ADAM12: variants seen among roughly 807,000 people sequenced by gnomAD.
ADAM12 encodes the protein ADAM metallopeptidase domain 12, also known as disintegrin and metalloproteinase domain-containing protein 12.
A neutral mutation model predicts 106.4 loss-of-function variants in ADAM12; 70 were observed. The observed-to-expected ratio is 0.66, with a 90% CI of 0.54 to 0.80. The LOEUF is 0.80. Ranked by LOEUF, ADAM12 falls within the 30% of genes least tolerant of loss-of-function variation. The pLI is 0.00. For missense variants in ADAM12, 1,010 were observed against 1,171.9 expected (o/e 0.86, Z 2.02); for synonymous variants, 420 against 433.5 (o/e 0.97, Z 0.39).
chr10:126,226,393 G>A (rs1958197180), intron 3 of ADAM12, among the ~76,000 whole-genome samples: 1 of 152,200 alleles, frequency 6.6e-6, no homozygotes, highest in African/African-American at 2.4e-5. Flanking sequence ...TCTGTGTGGA[G>A]GGGATGCGTG....
intron 10 of ADAM12, 31 bp downstream of exon 10, chr10:126,098,385 G>C (rs1955595686): frequency 6.3e-7 from 1 of 1,575,992 alleles, no homozygotes; most frequent in African/African-American, 1.3e-5. Context: ...TCATTATCAA[G>C]GGGAACCAGC....
At chr10:126,336,794 C>T (rs184525316) in intron 1 of ADAM12, among the ~76,000 whole-genome samples, 5 of 152,282 alleles carry the variant, frequency 3.3e-5, no homozygotes, top group Admixed American at 3.3e-4. Flanking sequence ...ATTGTAGCTA[C>T]CACGCTGGCA....
chr10:126,237,849 A>G (rs1958448642), intron 3 of ADAM12, among the ~76,000 whole-genome samples: 2 of 152,180 alleles, frequency 1.3e-5, no homozygotes, highest in Admixed American at 6.5e-5. Flanking sequence ...GGGTATAAAG[A>G]GCTTGGGACA....
chr10:126,112,939 T>G (rs1381901371), intron 6 of ADAM12, among the ~76,000 whole-genome samples: 5 of 151,728 alleles, frequency 3.3e-5, no homozygotes, highest in African/African-American at 9.7e-5. Flanking sequence ...ATTCGGGAAA[T>G]CCAGTGTCCT....
chr10:126,108,783 TTCAC>T, intron 7 of ADAM12, 119 bp from the exon 8 acceptor site: 2 of 866,162 alleles, frequency 2.3e-6, no homozygotes, highest in Non-Finnish European at 3.7e-6. Context: ...CCCTCCACAG[TTCAC>T]GGTAAAATGA....
intron 4 of ADAM12, among the ~76,000 whole-genome samples, chr10:126,142,841 G>A (rs1180472068): frequency 6.6e-6 from 1 of 152,148 alleles, no homozygotes; most frequent in Non-Finnish European, 1.5e-5. Flanking sequence ...GTGTATGGGT[G>A]TATGTGTGTC....
At chr10:126,089,570 A>T (rs1285735549) in intron 11 of ADAM12, among the ~76,000 whole-genome samples, 1 of 152,214 alleles carries the variant, frequency 6.6e-6, no homozygotes, top group Non-Finnish European at 1.5e-5. Context: ...ACCTTAAAAG[A>T]TAAATCAGAT....
At chr10:126,224,547 C>T (rs546237699) in intron 3 of ADAM12, among the ~76,000 whole-genome samples, 2 of 152,260 alleles carry the variant, frequency 1.3e-5, no homozygotes, top group Admixed American at 1.3e-4. Flanking sequence ...GGGGAGGGGC[C>T]TGGGGAGGTG....
At chr10:126,048,364 C>A (rs780667805) in intron 16 of ADAM12, among the ~76,000 whole-genome samples, 1 of 152,036 alleles carries the variant, frequency 6.6e-6, no homozygotes, top group East Asian at 1.9e-4. Flanking sequence ...TGAATATGAG[C>A]AAATGTGGGT....
At chr10:126,131,104 C>CT (rs71029289) in intron 5 of ADAM12, among the ~76,000 whole-genome samples, 1,316 of 100,794 alleles carry the variant, frequency 0.013, 54 homozygotes, top group Middle Eastern at 0.019. Context: ...CAGCTGTCTT[C>CT]TTTTTTTTTT....
chr10:126,023,974 G>C (rs1290324285), intron 21 of ADAM12, among the ~76,000 whole-genome samples: 1 of 151,202 alleles, frequency 6.6e-6, no homozygotes, highest in African/African-American at 2.4e-5. Context: ...AACTTCAGCA[G>C]TAACATATCC....
At chr10:126,125,721 G>A (rs1378350781) in intron 5 of ADAM12, among the ~76,000 whole-genome samples, 10 of 151,872 alleles carry the variant, frequency 6.6e-5, no homozygotes, top group African/African-American at 2.2e-4. Context: ...ACCTGTGAAC[G>A]TGACCTTATT....
intron 1 of ADAM12, among the ~76,000 whole-genome samples, chr10:126,336,904 G>A (rs187963946): frequency 6.6e-6 from 1 of 152,286 alleles, no homozygotes; most frequent in African/African-American, 2.4e-5. Flanking sequence ...AATGACCCTG[G>A]GCAAGTTGCT....
At chr10:126,118,433 C>A (rs1956027744) in intron 5 of ADAM12, among the ~76,000 whole-genome samples, 1 of 152,096 alleles carries the variant, frequency 6.6e-6, no homozygotes, top group South Asian at 2.1e-4. Context: ...TAGGAATTTT[C>A]TTCTGTTTGA....
At chr10:126,030,307 GA>G (rs1470552579) in intron 21 of ADAM12, among the ~76,000 whole-genome samples, 1 of 152,146 alleles carries the variant, frequency 6.6e-6, no homozygotes, top group Non-Finnish European at 1.5e-5. Flanking sequence ...TTGAGTGTTT[GA>G]AAATTTCCAT....
chr10:126,303,813 A>C (rs1373181332), intron 2 of ADAM12, among the ~76,000 whole-genome samples: 1 of 152,160 alleles, frequency 6.6e-6, no homozygotes, highest in African/African-American at 2.4e-5. Context: ...TTGTGAGAAC[A>C]CCATCATATT....
chr10:126,049,632 G>T lies in ADAM12; in HGVS notation c.1647C>A (p.Val549=), dbSNP rs369236254. 13 of 1,613,988 alleles carry T rather than the reference G, an allele frequency of 8.1e-6. No homozygotes were observed. In the African/African-American group the frequency reaches 1.7e-4, roughly 22 times the overall value. Residue 549 remains valine (V), a synonymous_variant, in exon 15 of 23, where the codon GTC becomes GTA. Transcript: ENST00000448723. The surrounding 1 kb of genome is among the most constrained non-coding windows in gnomAD (Gnocchi z 4.4). ...KPAPGICFER[V]NSAGDPYGNC... Reference sequence around the variant, plus strand: ...TGCCATAAGGATCACCTGCAGAATTGACTCTCTCAAAGCAGATCCCAGGGG... The same window carrying T: ...TGCCATAAGGATCACCTGCAGAATTTACTCTCTCAAAGCAGATCCCAGGGG...
intron 3 of ADAM12, among the ~76,000 whole-genome samples, chr10:126,266,579 C>T (rs1959101783): frequency 6.6e-6 from 1 of 152,184 alleles, no homozygotes; most frequent in Non-Finnish European, 1.5e-5. Flanking sequence ...AATACCATAT[C>T]CCTTATGTAT....
intron 14 of ADAM12, among the ~76,000 whole-genome samples, chr10:126,051,512 T>TAGCCAG (rs1954487597): frequency 7.2e-6 from 1 of 139,050 alleles, no homozygotes; most frequent in South Asian, 2.3e-4. Context: ...CGTCCATCCA[T>TAGCCAG]CCATCCATCC....
Sources: allele counts gnomAD v4.1 joint callset (sites outside exome capture counted in the v4.1 genomes callset), GRCh38; gene constraint gnomAD v4.1.1; non-coding constraint Gnocchi (gnomAD v3.1); transcripts MANE v1.5; gene names NCBI Gene and HGNC (gene_info 2026-07-23, HGNC 2026-07-21).